Variants in CFAP77 observed in about 807,000 individuals in gnomAD.
CFAP77 encodes the protein cilia and flagella associated protein 77.
CFAP77 carries 25 observed loss-of-function variants against 31.1 expected under a neutral mutation model. The ratio of observed to expected loss-of-function variants is 0.80; its 90% CI spans 0.59 to 1.12. CFAP77 has a LOEUF of 1.12. Ranked by LOEUF, CFAP77 falls within the 50% of genes most tolerant of loss-of-function variation. CFAP77 has a pLI of 0.00. For missense variants in CFAP77, 377 were observed against 397.3 expected (o/e 0.95, Z 0.44); for synonymous variants, 151 against 159.9 (o/e 0.94, Z 0.42).
intron 1 of CFAP77, among the ~76,000 whole-genome samples, chr9:132,447,509 G>A (rs773108881): frequency 5.3e-5 from 8 of 152,210 alleles, no homozygotes; most frequent in African/African-American, 1.9e-4. Flanking sequence ...CAGCTTGGAC[G>A]TGATCCCTGC....
At chr9:132,412,878 G>A (rs1035835605) in intron 1 of CFAP77, among the ~76,000 whole-genome samples, 1 of 152,088 alleles carries the variant, frequency 6.6e-6, no homozygotes, top group African/African-American at 2.4e-5. Context: ...TTGGCTTGTG[G>A]ATTTCTTCAT....
At chr9:132,446,376 C>T (rs940344376) in intron 1 of CFAP77, among the ~76,000 whole-genome samples, 3 of 151,846 alleles carry the variant, frequency 2.0e-5, no homozygotes, top group South Asian at 2.1e-4. Context: ...AACACCAGCT[C>T]GAATGAAGCC....
intron 5 of CFAP77, among the ~76,000 whole-genome samples, chr9:132,553,152 GGAGA>G (rs368848848): frequency 6.6e-6 from 1 of 151,982 alleles, no homozygotes; most frequent in East Asian, 1.9e-4. Context: ...CTCACTTGCT[GGAGA>G]GAGAGAGAGG....
At chr9:132,461,275 A>G (rs1474921977) in intron 1 of CFAP77, among the ~76,000 whole-genome samples, 2 of 152,184 alleles carry the variant, frequency 1.3e-5, no homozygotes, top group African/African-American at 4.8e-5. Context: ...TTGGGGTTAG[A>G]CAAAACCCAC....
chr9:132,567,979 C>T (rs1344511386), intron 5 of CFAP77, among the ~76,000 whole-genome samples: 2 of 152,190 alleles, frequency 1.3e-5, no homozygotes, highest in South Asian at 2.1e-4. Context: ...AATAAGGCCA[C>T]ATTCTCAAGT....
intron 1 of CFAP77, among the ~76,000 whole-genome samples, chr9:132,492,349 C>T (rs1204832760): frequency 6.6e-6 from 1 of 152,112 alleles, no homozygotes; most frequent in East Asian, 1.9e-4. Context: ...CAGACTTTAC[C>T]TGGGCTTCTC....
Position 132,481,386 on chromosome 9 carries a change from T to C in CFAP77, c.196-17309T>C, listed in dbSNP as rs1198893564. Among the ~76,000 whole-genome samples, 1 of 152,142 alleles carries C rather than the reference T, an allele frequency of 6.6e-6. No individual in the cohort carries two copies. On this transcript the variant is annotated intron_variant, in intron 1 of 5. Coordinates refer to ENST00000393216, the MANE Select transcript of CFAP77 (RefSeq NM_001282957.2). This position sits in a 1 kb window ranked among gnomAD's most constrained non-coding sequence, Gnocchi z 5.0. ...TCCAAGTCCTGCCCACTAAAGCTTG[T>C]GTATTCCTATTTCTTTTCCCTTTGA...
chr9:132,458,209 C>A (rs1054304788), intron 1 of CFAP77, among the ~76,000 whole-genome samples: 1 of 152,204 alleles, frequency 6.6e-6, no homozygotes, highest in Admixed American at 6.5e-5. Context: ...CCCGTTATCC[C>A]GGAGCCAGGG....
At chr9:132,536,835 G>T (rs372732802) in intron 3 of CFAP77, among the ~76,000 whole-genome samples, 2 of 152,134 alleles carry the variant, frequency 1.3e-5, no homozygotes, top group South Asian at 4.1e-4. Flanking sequence ...TCTGCCTTGC[G>T]GTGCTTCCCG....
At chr9:132,560,923 G>A (rs573884936) in intron 5 of CFAP77, among the ~76,000 whole-genome samples, 1 of 152,204 alleles carries the variant, frequency 6.6e-6, no homozygotes, top group Non-Finnish European at 1.5e-5. Context: ...CGCAGCATGT[G>A]TCAGCAGGGA....
At chr9:132,524,884 A>C (rs758875528) in intron 3 of CFAP77, among the ~76,000 whole-genome samples, 1 of 148,786 alleles carries the variant, frequency 6.7e-6, no homozygotes, top group Non-Finnish European at 1.5e-5. Context: ...TCCTGACCTC[A>C]TGATCCTCCC....
rs1021362975 is a variant in CFAP77, at chr9:132,453,118, G to A, written c.195+42652G>A. Reference sequence around the variant, plus strand: ...ACCTGGGGCATGGACCTGACACTCAGCCTTCACTCTTCCCTTCATGCCCTC... The same window carrying A: ...ACCTGGGGCATGGACCTGACACTCAACCTTCACTCTTCCCTTCATGCCCTC... On this transcript the variant is annotated intron_variant, in intron 1 of 5. Transcript: ENST00000393216. Among the ~76,000 whole-genome samples, 3 of 152,308 alleles carry A rather than the reference G, an allele frequency of 2.0e-5. No individual in the cohort carries two copies. In the East Asian group the frequency reaches 5.8e-4, roughly 29 times the overall value.
chr9:132,513,846 C>T (rs1441983305), intron 3 of CFAP77, among the ~76,000 whole-genome samples: 1 of 152,214 alleles, frequency 6.6e-6, no homozygotes, highest in Non-Finnish European at 1.5e-5. Flanking sequence ...CGGGTGCTGG[C>T]CCCATCTGCC....
rs150878923 is a variant in CFAP77 at position 132,462,878 on chromosome 9, T to G, written c.196-35817T>G. Among the ~76,000 whole-genome samples, 15 of 152,214 alleles carry G rather than the reference T, an allele frequency of 9.9e-5. No individual in the cohort carries two copies. In the East Asian group the frequency reaches 2.9e-3, roughly 29 times the overall value. ...ATATACATGCACTTTGTATGTAAGT[T>G]TATATATATTTTACAGAGTGAACTC... On this transcript the variant is annotated intron_variant, in intron 1 of 5. Transcript: ENST00000393216.
At chr9:132,544,917 T>C (rs1436583853) in intron 5 of CFAP77, among the ~76,000 whole-genome samples, 1 of 152,078 alleles carries the variant, frequency 6.6e-6, no homozygotes, top group East Asian at 1.9e-4. Context: ...CTTTAGGCCT[T>C]GACTCCCAGC....
At chr9:132,506,170 G>A (rs552776450) in intron 3 of CFAP77, among the ~76,000 whole-genome samples, 2 of 152,184 alleles carry the variant, frequency 1.3e-5, no homozygotes, top group South Asian at 2.1e-4. Context: ...GCATTCTCTC[G>A]CTGCTGTTTC....
intron 1 of CFAP77, among the ~76,000 whole-genome samples, chr9:132,438,522 T>C (rs1225729765): frequency 8.7e-6 from 1 of 115,292 alleles, no homozygotes; most frequent in Non-Finnish European, 1.7e-5. Flanking sequence ...AGATATGGTA[T>C]ATATATATAT....
At chr9:132,566,469 C>G (rs1254548221) in intron 5 of CFAP77, among the ~76,000 whole-genome samples, 2 of 152,220 alleles carry the variant, frequency 1.3e-5, no homozygotes, top group African/African-American at 4.8e-5. Flanking sequence ...TGTTCTTGTC[C>G]TAGCATTGCT....
chr9:132,530,199 A>G (rs149147393), intron 3 of CFAP77, among the ~76,000 whole-genome samples: 30 of 136,902 alleles, frequency 2.2e-4, no homozygotes, highest in Middle Eastern at 4.0e-3. Context: ...TCTTGGGCTC[A>G]AGGAATCCTC....
Sources: gnomAD v4.1 joint callset for allele counts (sites outside exome capture counted in the v4.1 genomes callset) on GRCh38, gnomAD v4.1.1 for gene constraint, Gnocchi (gnomAD v3.1) non-coding constraint, MANE v1.5 for transcripts, NCBI Gene and HGNC (gene_info 2026-07-23, HGNC 2026-07-21) for gene names.